Variants in ATXN1 observed in about 807,000 individuals in gnomAD.
ATXN1 encodes the protein ataxin 1.
ATXN1 carries 8 observed loss-of-function variants against 56.4 expected under a neutral mutation model. The observed-to-expected ratio is 0.14, with a 90% CI of 0.08 to 0.26. The LOEUF is 0.26. Ranked by LOEUF, ATXN1 falls within the 10% of genes least tolerant of loss-of-function variation. The pLI is 1.00. For missense variants in ATXN1, 987 were observed against 1,106.5 expected (o/e 0.89, Z 1.53); for synonymous variants, 514 against 494.6 (o/e 1.04, Z -0.52).
intron 2 of ATXN1, among the ~76,000 whole-genome samples, chr6:16,729,744 C>T (rs1257414644): frequency 6.6e-6 from 1 of 152,146 alleles, no homozygotes; most frequent in Non-Finnish European, 1.5e-5. Flanking sequence ...AAAGGTCCCT[C>T]TTTTTAATTA....
At chr6:16,498,615 G>A (rs569725227) in intron 5 of ATXN1, among the ~76,000 whole-genome samples, 1 of 152,308 alleles carries the variant, frequency 6.6e-6, no homozygotes, top group East Asian at 1.9e-4. Context: ...AGCCAGGTAG[G>A]AAGATTACCA....
At chr6:16,520,161 T>A (rs1050520951) in intron 5 of ATXN1, among the ~76,000 whole-genome samples, 7 of 152,284 alleles carry the variant, frequency 4.6e-5, no homozygotes, top group African/African-American at 1.7e-4. Flanking sequence ...GTGAGTGCTG[T>A]TTGAGCTTAG....
chr6:16,327,906 G>A lies in ATXN1; in HGVS notation c.405C>T (p.Tyr135=). ...HTFQFIGSSQ[Y]SGTYASFIPS... The stretch of plus-strand genomic sequence containing the variant: ...GGATGAAGCTGGCATAGGTTCCACT[G>A]TATTGGGAGGACCCAATGAACTGGA... Residue 135 remains tyrosine (Y), a synonymous_variant, in exon 7 of 8, where the codon TAC becomes TAT. Coordinates refer to ENST00000436367, the MANE Select transcript of ATXN1 (RefSeq NM_001128164.2). The A allele has an allele frequency of 6.2e-7, 1 of 1,609,196 alleles. No individual in the cohort carries two copies. The highest frequency in any genetic ancestry group is 2.2e-5 in the East Asian group (1 of 44,884).
intron 6 of ATXN1, among the ~76,000 whole-genome samples, chr6:16,434,898 T>C (rs541658128): frequency 6.6e-6 from 1 of 152,188 alleles, no homozygotes; most frequent in Non-Finnish European, 1.5e-5. Flanking sequence ...ATGGGAACAG[T>C]TGGAAGAGGT....
rs150375142 is a variant in ATXN1, at chr6:16,753,845, G to A, written c.-729-498C>T. On this transcript the variant is annotated intron_variant, in intron 1 of 7. Transcript: ENST00000436367. ...AATGGAATAGAAGAAAGGAAAAAAT[G>A]CAGAAAAAAAGTGTAAAGTGTGCAT... Among the ~76,000 whole-genome samples the A allele has an allele frequency of 3.6e-3, 547 of 152,256 alleles. 3 individuals are homozygous for A. The highest frequency in any genetic ancestry group is 0.012 in the African/African-American group (512 of 41,544).
chr6:16,590,671 CTTT>C (rs796851451), intron 3 of ATXN1, among the ~76,000 whole-genome samples: 1 of 145,252 alleles, frequency 6.9e-6, no homozygotes, highest in Admixed American at 6.9e-5. Context: ...TCATAACATT[CTTT>C]TTTTTTTTTC....
At chr6:16,324,476 A>C (rs1760755779) in intron 7 of ATXN1, among the ~76,000 whole-genome samples, 1 of 152,108 alleles carries the variant, frequency 6.6e-6, no homozygotes, top group Non-Finnish European at 1.5e-5. Flanking sequence ...TGCCCAAAAC[A>C]ATTCAAACCA....
intron 6 of ATXN1, among the ~76,000 whole-genome samples, chr6:16,343,030 CCAGT>C (rs1363401976): frequency 3.3e-5 from 5 of 152,112 alleles, no homozygotes; most frequent in African/African-American, 1.2e-4. Context: ...TATTTTGTCA[CCAGT>C]CAAAAATTTT....
chr6:16,475,647 A>G (rs566542035), intron 6 of ATXN1, among the ~76,000 whole-genome samples: 3 of 152,172 alleles, frequency 2.0e-5, no homozygotes, highest in Admixed American at 6.5e-5. Context: ...ATGTGATTCA[A>G]AGAGTCTCTT....
chr6:16,486,955 T>C (rs1760559444), intron 5 of ATXN1, among the ~76,000 whole-genome samples: 1 of 152,082 alleles, frequency 6.6e-6, no homozygotes, highest in Non-Finnish European at 1.5e-5. Flanking sequence ...AAGGATTGGA[T>C]AACTTTTTGT....
chr6:16,466,178 A>G, intron 6 of ATXN1, among the ~76,000 whole-genome samples: 1 of 151,734 alleles, frequency 6.6e-6, no homozygotes, highest in East Asian at 1.9e-4. Context: ...AGCTGGGCGC[A>G]GTGGCAGGTG....
In ATXN1 at chr6:16,507,000, G is replaced by A. The variant is rs980666072; in HGVS notation, c.-299+15627C>T. 5.3e-5 allele frequency among the ~76,000 whole-genome samples: 8 copies of A among 152,140 alleles called. No individual in the cohort carries two copies. Among genetic ancestry groups the A allele is most frequent in the African/African-American group, 1.4e-4 (6 of 41,436 alleles). On this transcript the variant is annotated intron_variant, in intron 5 of 7. Transcript: ENST00000436367. This position sits in a 1 kb window ranked among gnomAD's most constrained non-coding sequence, Gnocchi z 4.1. ...GTGACCAAAATACATATACTCCTCCGTGTTATATATTAAGGCTGCTTTTTT... is the reference window on the plus strand; with the variant it reads ...GTGACCAAAATACATATACTCCTCCATGTTATATATTAAGGCTGCTTTTTT...
intron 2 of ATXN1, among the ~76,000 whole-genome samples, chr6:16,724,056 C>T (rs1253600009): frequency 6.6e-6 from 1 of 152,136 alleles, no homozygotes; most frequent in Non-Finnish European, 1.5e-5. Context: ...TAAATCTCTG[C>T]CTGTGTGTGA....
intron 6 of ATXN1, among the ~76,000 whole-genome samples, chr6:16,422,679 C>T (rs1759061774): frequency 6.6e-6 from 1 of 152,154 alleles, no homozygotes; most frequent in Admixed American, 6.5e-5. Flanking sequence ...CAAGACACAC[C>T]TATGCCTTTT....
At chr6:16,421,314 C>T (rs954052458) in intron 6 of ATXN1, among the ~76,000 whole-genome samples, 9 of 151,556 alleles carry the variant, frequency 5.9e-5, no homozygotes, top group African/African-American at 1.7e-4. Flanking sequence ...GTGTCATTTT[C>T]GTCACTTTAA....
chr6:16,540,148 T>C (rs1418157254), intron 4 of ATXN1, among the ~76,000 whole-genome samples: 2 of 152,178 alleles, frequency 1.3e-5, no homozygotes, highest in Non-Finnish European at 2.9e-5. Flanking sequence ...AATTTCACAG[T>C]GCATTGGTGA....
intron 2 of ATXN1, among the ~76,000 whole-genome samples, chr6:16,719,881 G>C (rs980771611): frequency 2.0e-5 from 3 of 152,202 alleles, no homozygotes; most frequent in African/African-American, 4.8e-5. Flanking sequence ...TCCCAACAGA[G>C]CTTCGGGAGG....
chr6:16,618,750 T>C (rs910579375), intron 3 of ATXN1, among the ~76,000 whole-genome samples: 3 of 142,130 alleles, frequency 2.1e-5, no homozygotes, highest in Non-Finnish European at 4.6e-5. Flanking sequence ...GATTCAACTG[T>C]GGGAAAAAAA....
chr6:16,616,723 C>T (rs1763220659), intron 3 of ATXN1, among the ~76,000 whole-genome samples: 2 of 143,760 alleles, frequency 1.4e-5, no homozygotes, highest in South Asian at 4.4e-4. Context: ...ATACATATAC[C>T]CCTCCACACA....
Sources: gnomAD v4.1 joint callset for allele counts (sites outside exome capture counted in the v4.1 genomes callset) on GRCh38, gnomAD v4.1.1 for gene constraint, Gnocchi (gnomAD v3.1) non-coding constraint, MANE v1.5 for transcripts, NCBI Gene and HGNC (gene_info 2026-07-23, HGNC 2026-07-21) for gene names.